The following GJA3 variants were observed in gnomAD, a reference collection of about 807,000 sequenced individuals.
GJA3 encodes gap junction alpha-3 protein.
For missense variants in GJA3, 571 were observed against 620.3 expected, an observed-to-expected ratio of 0.92 and a Z score of 0.84; for synonymous variants, 297 against 292.6, an observed-to-expected ratio of 1.02 and a Z score of -0.15.
chr13:20,146,695 T>C (rs1026377898), intron 1 of GJA3, among the ~76,000 whole-genome samples: 2 of 152,082 alleles, frequency 1.3e-5, no homozygotes, highest in Non-Finnish European at 2.9e-5. Flanking sequence ...TGTGGATCTT[T>C]CTGGAAAAGA....
Sources: allele counts gnomAD v4.1 joint callset (sites outside exome capture counted in the v4.1 genomes callset), GRCh38; gene constraint gnomAD v4.1.1; transcripts MANE v1.5; gene names NCBI Gene and HGNC (gene_info 2026-07-23, HGNC 2026-07-21).